The following PPP1R9A variants were observed in gnomAD, a reference collection of about 807,000 sequenced individuals.
PPP1R9A encodes protein phosphatase 1 regulatory subunit 9A.
In PPP1R9A, 59 loss-of-function variants were observed where a neutral mutation model predicts 141.9. The observed-to-expected ratio is 0.42, with a 90% CI of 0.34 to 0.52. The LOEUF (loss-of-function observed/expected upper bound fraction) is 0.52. Ranked by LOEUF, PPP1R9A falls within the 20% of genes least tolerant of loss-of-function variation. The probability of loss-of-function intolerance (pLI) is 0.10; values close to 1 mark genes in which losing one functional copy is unlikely to be tolerated. For missense variants in PPP1R9A, 1,444 were observed against 1,611.9 expected (o/e 0.90, Z 1.78); for synonymous variants, 500 against 569.7 (o/e 0.88, Z 1.74).
chr7:95,138,425 A>G (rs910867574), intron 4 of PPP1R9A, among the ~76,000 whole-genome samples: 1 of 152,332 alleles, frequency 6.6e-6, no homozygotes, highest in African/African-American at 2.4e-5. Flanking sequence ...TAAAAGCTCT[A>G]AAAGAATACA....
chr7:94,939,817 T>TACACACAC lies in PPP1R9A; in HGVS notation c.1395+28334_1395+28341dup, dbSNP rs4014722. ...ATGTATACATACATGTATATATGTG[T>TACACACAC]ACACACACACACACACACACACACA... is the stretch of plus-strand genomic sequence containing the variant. On this transcript the variant is annotated intron_variant, in intron 2 of 19. Transcript: ENST00000433360. 1.0e-3 allele frequency among the ~76,000 whole-genome samples: 146 copies of TACACACAC among 145,298 alleles called. 1 individual carries two copies. The highest frequency in any genetic ancestry group is 2.4e-3 in the East Asian group (12 of 4,950).
At chr7:95,049,441 A>C (rs748929884) in intron 2 of PPP1R9A, among the ~76,000 whole-genome samples, 2 of 152,206 alleles carry the variant, frequency 1.3e-5, no homozygotes, top group African/African-American at 4.8e-5. Context: ...GAGAGGCTCC[A>C]TACATACCCT....
chr7:95,045,204 A>C (rs1809827491), intron 2 of PPP1R9A, among the ~76,000 whole-genome samples: 1 of 152,198 alleles, frequency 6.6e-6, no homozygotes, highest in Non-Finnish European at 1.5e-5. Flanking sequence ...AGGGGCATGC[A>C]GTGGAAAAAG....
chr7:95,008,299 G>A (rs915608059), intron 2 of PPP1R9A, among the ~76,000 whole-genome samples: 5 of 151,950 alleles, frequency 3.3e-5, no homozygotes, highest in African/African-American at 1.2e-4. Context: ...TTTTTAGGGG[G>A]AAACACCTAC....
intron 2 of PPP1R9A, among the ~76,000 whole-genome samples, chr7:94,925,868 C>T (rs2150769117): frequency 6.6e-6 from 1 of 152,148 alleles, no homozygotes; most frequent in African/African-American, 2.4e-5. Context: ...ACTCTGTTGC[C>T]TAGGCTGGAG....
rs939146777 is a variant in PPP1R9A, at chr7:94,982,959, A to G, written c.1395+71451A>G. ...GGGTTTTTATGGTTTTAGGTCTAACATTTAAGTCTTTAATCCATCTTGAAT... is the reference window on the plus strand; with the variant it reads ...GGGTTTTTATGGTTTTAGGTCTAACGTTTAAGTCTTTAATCCATCTTGAAT... On this transcript the variant is annotated intron_variant, in intron 2 of 19. Transcript: ENST00000433360. Among the ~76,000 whole-genome samples the G allele has an allele frequency of 5.9e-4, 90 of 152,256 alleles. 1 individual carries two copies. Among genetic ancestry groups the G allele is most frequent in the African/African-American group, 2.1e-3 (86 of 41,550 alleles).
intron 2 of PPP1R9A, among the ~76,000 whole-genome samples, chr7:94,997,643 A>G (rs1802363608): frequency 1.3e-5 from 2 of 152,198 alleles, no homozygotes; most frequent in Admixed American, 6.5e-5. Context: ...GCAGCTCCCC[A>G]GTAATAGGTC....
intron 7 of PPP1R9A, among the ~76,000 whole-genome samples, chr7:95,213,745 T>C (rs902002544): frequency 2.6e-5 from 4 of 152,128 alleles, no homozygotes; most frequent in Non-Finnish European, 5.9e-5. Context: ...AACCATCAAG[T>C]TTCTGTTTAA....
intron 4 of PPP1R9A, among the ~76,000 whole-genome samples, chr7:95,129,539 A>G (rs1289636707): frequency 6.6e-6 from 1 of 152,176 alleles, no homozygotes; most frequent in South Asian, 2.1e-4. Context: ...AAAGTGGGGT[A>G]TTGCTGAAAA....
chr7:95,037,930 C>A (rs1455067770), intron 2 of PPP1R9A, among the ~76,000 whole-genome samples: 2 of 143,400 alleles, frequency 1.4e-5, no homozygotes, highest in South Asian at 2.2e-4. Context: ...TATAGGGAAA[C>A]CTTGTTCTAC....
chr7:95,032,790 T>C (rs1190543117), intron 2 of PPP1R9A, among the ~76,000 whole-genome samples: 1 of 152,206 alleles, frequency 6.6e-6, no homozygotes, highest in African/African-American at 2.4e-5. Context: ...AACTGTCTTA[T>C]ATTGTGTATA....
chr7:94,921,954 G>A (rs957980130), intron 2 of PPP1R9A, among the ~76,000 whole-genome samples: 1 of 151,848 alleles, frequency 6.6e-6, no homozygotes, highest in Admixed American at 6.6e-5. Context: ...AACAGAGCAA[G>A]ACCCTGTTTC....
intron 2 of PPP1R9A, among the ~76,000 whole-genome samples, chr7:94,920,631 A>G (rs147244894): frequency 1.6e-3 from 238 of 152,298 alleles, no homozygotes; most frequent in East Asian, 3.9e-3. Context: ...CCTCTTTTAT[A>G]AGTCAGATGA....
intron 2 of PPP1R9A, among the ~76,000 whole-genome samples, chr7:94,978,478 G>C (rs1249185544): frequency 6.6e-6 from 1 of 152,188 alleles, no homozygotes; most frequent in Non-Finnish European, 1.5e-5. Context: ...TTCTAGGCAT[G>C]ATAGTATTTT....
intron 2 of PPP1R9A, among the ~76,000 whole-genome samples, chr7:94,952,939 T>C (rs1796642668): frequency 1.3e-5 from 2 of 152,242 alleles, no homozygotes; most frequent in East Asian, 1.9e-4. Flanking sequence ...TTCCTTTTGC[T>C]GTGCAGAAGC....
At chr7:95,144,773 G>A (rs748985512) in intron 4 of PPP1R9A, among the ~76,000 whole-genome samples, 5 of 152,202 alleles carry the variant, frequency 3.3e-5, no homozygotes, top group Non-Finnish European at 7.3e-5. Flanking sequence ...ATCCAGACGG[G>A]AAGGGAAGAA....
At chr7:95,214,972 T>C (rs1466522678) in intron 7 of PPP1R9A, among the ~76,000 whole-genome samples, 1 of 152,056 alleles carries the variant, frequency 6.6e-6, no homozygotes, top group Non-Finnish European at 1.5e-5. Flanking sequence ...AAATATTCTT[T>C]TTTTTTAATA....
At chr7:95,241,340 A>G (rs1279954283) in intron 8 of PPP1R9A, among the ~76,000 whole-genome samples, 1 of 152,168 alleles carries the variant, frequency 6.6e-6, no homozygotes, top group Non-Finnish European at 1.5e-5. Flanking sequence ...TGGGCAAGAC[A>G]GTAGGGGTTG....
intron 4 of PPP1R9A, among the ~76,000 whole-genome samples, chr7:95,136,103 A>C (rs1825620932): frequency 6.6e-6 from 1 of 152,120 alleles, no homozygotes; most frequent in Non-Finnish European, 1.5e-5. Context: ...ATTGATGATT[A>C]TTGCTATCAA....
Sources: allele counts gnomAD v4.1 joint callset (sites outside exome capture counted in the v4.1 genomes callset), GRCh38; gene constraint gnomAD v4.1.1; transcripts MANE v1.5; gene names NCBI Gene and HGNC (gene_info 2026-07-23, HGNC 2026-07-21).